The following PRKAG2 variants were observed in gnomAD, a reference collection of about 807,000 sequenced individuals.
PRKAG2 encodes protein kinase AMP-activated non-catalytic subunit gamma 2, also known as 5'-AMP-activated protein kinase subunit gamma-2.
PRKAG2 carries 26 observed loss-of-function variants against 69.6 expected under a neutral mutation model. That is an observed-to-expected ratio of 0.37 (90% CI 0.27 to 0.52). PRKAG2 has a LOEUF of 0.52. Among genes scored for constraint, PRKAG2 ranks in the 20% least tolerant of loss-of-function variants. The pLI, the probability that PRKAG2 is intolerant of heterozygous loss-of-function variation, is 0.90. For synonymous variants in PRKAG2, 293 were observed against 285.0 expected, an observed-to-expected ratio of 1.03 and a Z score of -0.28; for missense variants, 557 against 740.0, an observed-to-expected ratio of 0.75 and a Z score of 2.87.
At chr7:151,839,360 G>A (rs921440308) in intron 1 of PRKAG2, among the ~76,000 whole-genome samples, 1 of 152,190 alleles carries the variant, frequency 6.6e-6, no homozygotes, top group African/African-American at 2.4e-5. Flanking sequence ...CTGGTTTGCA[G>A]CTCAGAAGCG....
chr7:151,565,117 T>G (rs559321987), intron 13 of PRKAG2, among the ~76,000 whole-genome samples: 1 of 152,348 alleles, frequency 6.6e-6, no homozygotes, highest in Non-Finnish European at 1.5e-5. Context: ...ATGCATGTAT[T>G]GTAAAGATGA....
At chr7:151,578,285 T>C (rs1585014327) in intron 6 of PRKAG2, among the ~76,000 whole-genome samples, 1 of 152,102 alleles carries the variant, frequency 6.6e-6, no homozygotes, top group Non-Finnish European at 1.5e-5. Context: ...GTGGAGGCTG[T>C]AGTGAGCCGA....
intron 5 of PRKAG2, among the ~76,000 whole-genome samples, chr7:151,600,583 C>T (rs1815803782): frequency 6.6e-6 from 1 of 152,224 alleles, no homozygotes; most frequent in Admixed American, 6.5e-5. Flanking sequence ...TGTCTCCCTC[C>T]TGATGTGGAA....
chr7:151,678,792 C>T (rs1833366633), intron 3 of PRKAG2, among the ~76,000 whole-genome samples: 1 of 152,092 alleles, frequency 6.6e-6, no homozygotes, highest in South Asian at 2.1e-4. Context: ...AACCCCATCT[C>T]TACTAAAAAT....
intron 3 of PRKAG2, among the ~76,000 whole-genome samples, chr7:151,753,634 T>C (rs1586292927): frequency 6.6e-6 from 1 of 152,076 alleles, no homozygotes; most frequent in Non-Finnish European, 1.5e-5. Context: ...CTCAGGCTGG[T>C]CTCGAACTCC....
At chr7:151,740,271 C>A (rs1162572573) in intron 3 of PRKAG2, among the ~76,000 whole-genome samples, 1 of 152,220 alleles carries the variant, frequency 6.6e-6, no homozygotes, top group Non-Finnish European at 1.5e-5. Flanking sequence ...CTCCCTACAT[C>A]CCTGCAGGGT....
intron 3 of PRKAG2, among the ~76,000 whole-genome samples, chr7:151,736,740 G>T (rs949303189): frequency 6.6e-6 from 1 of 152,196 alleles, no homozygotes; most frequent in Non-Finnish European, 1.5e-5. Context: ...TTCAAGGAGG[G>T]GATACAGCTC....
At chr7:151,792,398 G>C (rs147115301) in intron 1 of PRKAG2, among the ~76,000 whole-genome samples, 4 of 152,078 alleles carry the variant, frequency 2.6e-5, no homozygotes, top group Admixed American at 2.0e-4. Flanking sequence ...TCCTGCCCCC[G>C]GCCCGCTACT....
At chr7:151,610,739 CTTTTTTTTT>C (rs10523596) in intron 5 of PRKAG2, among the ~76,000 whole-genome samples, 21,252 of 105,700 alleles carry the variant, frequency 0.2, 1,967 homozygotes, top group East Asian at 0.32. Context: ...TTTTTCTTTT[CTTTTTTTTT>C]TTTTTTTTTT....
At chr7:151,689,559 G>A (rs181409220) in intron 3 of PRKAG2, among the ~76,000 whole-genome samples, 3 of 152,328 alleles carry the variant, frequency 2.0e-5, no homozygotes, top group Admixed American at 1.3e-4. Context: ...AGGAGAAGGC[G>A]GCAGAGGCGG....
At chr7:151,772,698 G>A (rs1349800409) in intron 3 of PRKAG2, among the ~76,000 whole-genome samples, 1 of 152,182 alleles carries the variant, frequency 6.6e-6, no homozygotes, top group Admixed American at 6.5e-5. Context: ...ATTTTGGTGT[G>A]ACCAAGAGCC....
At chr7:151,687,964 G>C (rs1162357067) in intron 3 of PRKAG2, among the ~76,000 whole-genome samples, 1 of 151,662 alleles carries the variant, frequency 6.6e-6, no homozygotes, top group African/African-American at 2.4e-5. Flanking sequence ...ATAGGGTGGA[G>C]CGGGTAGTGG....
intron 4 of PRKAG2, among the ~76,000 whole-genome samples, chr7:151,640,081 C>A (rs1219155569): frequency 2.0e-5 from 3 of 152,054 alleles, no homozygotes; most frequent in Non-Finnish European, 4.4e-5. Flanking sequence ...GAGGACGAGG[C>A]AGGTGGATCA....
chr7:151,749,611 T>G (rs904389482), intron 3 of PRKAG2, among the ~76,000 whole-genome samples: 6 of 152,042 alleles, frequency 3.9e-5, no homozygotes, highest in Non-Finnish European at 8.8e-5. Context: ...ACTACAACTC[T>G]ACAACAAAAA....
At chr7:151,558,556 G>T in intron 15 of PRKAG2, 1 of 919,120 alleles carries the variant, frequency 1.1e-6, no homozygotes, top group Non-Finnish European at 1.3e-6. Flanking sequence ...GCCTCACGGT[G>T]GGGGCCTCCT....
intron 1 of PRKAG2, among the ~76,000 whole-genome samples, chr7:151,840,536 C>T (rs1176478490): frequency 6.6e-6 from 1 of 152,084 alleles, no homozygotes; most frequent in Non-Finnish European, 1.5e-5. Context: ...GTCCCGAGGC[C>T]CCAACCTGCA....
At chr7:151,654,118 A>G (rs1056270649) in intron 4 of PRKAG2, among the ~76,000 whole-genome samples, 22 of 152,174 alleles carry the variant, frequency 1.4e-4, no homozygotes, top group African/African-American at 5.1e-4. Context: ...GTTTTTGGAC[A>G]GACAAACCCA....
chr7:151,722,673 G>A (rs1394593086), intron 3 of PRKAG2, among the ~76,000 whole-genome samples: 2 of 152,082 alleles, frequency 1.3e-5, no homozygotes, highest in African/African-American at 4.8e-5. Flanking sequence ...CATGCTCTGC[G>A]AGGTTCGTGT....
At chr7:151,826,182 T>TTTG (rs1554613787) in intron 1 of PRKAG2, among the ~76,000 whole-genome samples, 8 of 151,302 alleles carry the variant, frequency 5.3e-5, no homozygotes, top group Non-Finnish European at 8.8e-5. Context: ...CACTTTTTTT[T>TTTG]TTGTTGTTGT....
Sources: allele counts gnomAD v4.1 joint callset (sites outside exome capture counted in the v4.1 genomes callset), GRCh38; gene constraint gnomAD v4.1.1; transcripts MANE v1.5; gene names NCBI Gene and HGNC (gene_info 2026-07-23, HGNC 2026-07-21).